Variants in ARHGEF28 observed in about 807,000 individuals in gnomAD.
The protein encoded by ARHGEF28 is 190 kDa guanine nucleotide exchange factor.
A neutral mutation model predicts 206.6 loss-of-function variants in ARHGEF28; 152 were observed. The observed-to-expected ratio is 0.74, with a 90% confidence interval of 0.64 to 0.84. The LOEUF is 0.84. Among genes scored for constraint, ARHGEF28 ranks in the 40% least tolerant of loss-of-function variants. ARHGEF28 has a pLI of 0.00. For synonymous variants in ARHGEF28, 763 were observed against 776.4 expected, an observed-to-expected ratio of 0.98 and a Z score of 0.29; for missense variants, 2,028 against 2,073.2, an observed-to-expected ratio of 0.98 and a Z score of 0.42.
At chr5:73,701,971 G>T (rs2112288018) in intron 2 of ARHGEF28, among the ~76,000 whole-genome samples, 1 of 152,244 alleles carries the variant, frequency 6.6e-6, no homozygotes, top group South Asian at 2.1e-4. Context: ...TTTTTGTCTG[G>T]ACATAATTTT....
At position 73,774,717 on chromosome 5, in the gene ARHGEF28, A is replaced by G. The variant is rs896643741; in HGVS notation, c.659+679A>G. On this transcript the variant is annotated intron_variant, in intron 5 of 35. Transcript: ENST00000513042. ...TATTGTTGGTTACTTAGAAAGGTTC[A>G]GGTCAGCCATTATTCTTAGCTTATG... is the stretch of plus-strand genomic sequence containing the variant. Among the ~76,000 whole-genome samples the G allele has an allele frequency of 1.2e-4, 18 of 152,336 alleles. 1 individual carries two copies. In the Middle Eastern group the frequency reaches 0.02, roughly 173 times the overall value.
intron 2 of ARHGEF28, among the ~76,000 whole-genome samples, chr5:73,705,452 CTA>C (rs1748874883): frequency 6.6e-6 from 1 of 152,182 alleles, no homozygotes; most frequent in Non-Finnish European, 1.5e-5. Flanking sequence ...TCTTTTTAAA[CTA>C]TGTGACATTT....
At chr5:73,699,513 T>G (rs1748461526) in intron 2 of ARHGEF28, among the ~76,000 whole-genome samples, 1 of 152,170 alleles carries the variant, frequency 6.6e-6, no homozygotes, top group Non-Finnish European at 1.5e-5. Flanking sequence ...TTTATAAAGT[T>G]GCCAAAGACT....
chr5:73,703,418 G>A (rs556346879), intron 2 of ARHGEF28, among the ~76,000 whole-genome samples: 24 of 152,186 alleles, frequency 1.6e-4, no homozygotes, highest in Non-Finnish European at 2.8e-4. Flanking sequence ...GGAACAGGAC[G>A]GCACTCAGGT....
intron 2 of ARHGEF28, among the ~76,000 whole-genome samples, chr5:73,725,312 C>T (rs796191301): frequency 2.1e-4 from 32 of 152,292 alleles, no homozygotes; most frequent in African/African-American, 7.5e-4. Flanking sequence ...CACACCTTCT[C>T]ATATTTGCGT....
At chr5:73,862,522 A>G (rs16870985) in intron 16 of ARHGEF28, among the ~76,000 whole-genome samples, 2 of 151,990 alleles carry the variant, frequency 1.3e-5, no homozygotes, top group Admixed American at 6.6e-5. Context: ...CTTGATGTCT[A>G]GTTTAGCTAT....
chr5:73,699,533 C>T (rs1168896323), intron 2 of ARHGEF28, among the ~76,000 whole-genome samples: 2 of 152,086 alleles, frequency 1.3e-5, no homozygotes, highest in African/African-American at 4.8e-5. Flanking sequence ...TTTTGTGCCA[C>T]CTTGGAATTA....
intron 9 of ARHGEF28, among the ~76,000 whole-genome samples, chr5:73,817,913 G>A (rs1452817248): frequency 6.6e-6 from 1 of 152,160 alleles, no homozygotes; most frequent in East Asian, 1.9e-4. Flanking sequence ...TTTACTAGGA[G>A]GAGAAGTGAC....
chr5:73,727,854 A>G lies in ARHGEF28; in HGVS notation c.34-21983A>G, dbSNP rs191128580. 8.5e-5 allele frequency among the ~76,000 whole-genome samples: 13 copies of G among 152,304 alleles called. No individual in the cohort carries two copies. The East Asian group carries it at 1.2e-3, about 14-fold the overall frequency. On this transcript the variant is annotated intron_variant, in intron 2 of 35. Coordinates refer to ENST00000513042, the MANE Select transcript of ARHGEF28 (RefSeq NM_001177693.2). ...GGCCAATGCAGAGGACCATGGGGTC[A>G]TCACCTTCCCTGTTCTGCCTACTGT...
At chr5:73,846,946 ATTTTGTCAAC>A (rs1758403122) in intron 12 of ARHGEF28, among the ~76,000 whole-genome samples, 1 of 152,164 alleles carries the variant, frequency 6.6e-6, no homozygotes, top group African/African-American at 2.4e-5. Context: ...AATATCACAG[ATTTTGTCAAC>A]TTTTCCATAG....
intron 35 of ARHGEF28, among the ~76,000 whole-genome samples, chr5:73,924,415 T>TATC (rs1763690256): frequency 6.6e-6 from 1 of 152,230 alleles, no homozygotes; most frequent in Non-Finnish European, 1.5e-5. Flanking sequence ...TTTCTGATAG[T>TATC]ATCTACTTTG....
chr5:73,872,888 A>C, intron 21 of ARHGEF28, 111 bp from the exon 22 acceptor site: 2 of 1,240,122 alleles, frequency 1.6e-6, no homozygotes, highest in Middle Eastern at 2.8e-4. Flanking sequence ...ATATTCCTAA[A>C]CATTTCTTTT....
chr5:73,845,901 T>C (rs1424891010), intron 11 of ARHGEF28, among the ~76,000 whole-genome samples: 2 of 148,566 alleles, frequency 1.3e-5, no homozygotes, highest in Non-Finnish European at 1.5e-5. Context: ...GGTGGGAGCA[T>C]TGTTTGAGCC....
At chr5:73,802,047 T>G (rs1281493905) in intron 9 of ARHGEF28, among the ~76,000 whole-genome samples, 1 of 152,224 alleles carries the variant, frequency 6.6e-6, no homozygotes, top group Non-Finnish European at 1.5e-5. Context: ...AGTTCTACTT[T>G]TATCTCAACT....
intron 35 of ARHGEF28, among the ~76,000 whole-genome samples, chr5:73,912,705 G>C (rs972650387): frequency 2.6e-5 from 4 of 152,112 alleles, no homozygotes; most frequent in Non-Finnish European, 4.4e-5. Flanking sequence ...AAATATGATG[G>C]AATCGTTCAG....
chr5:73,696,058 C>T (rs865924063), intron 2 of ARHGEF28, among the ~76,000 whole-genome samples: 5 of 152,122 alleles, frequency 3.3e-5, no homozygotes, highest in Admixed American at 2.0e-4. Flanking sequence ...CTCTCCTGAA[C>T]GCAGATTGTT....
chr5:73,938,013 A>G (rs1324673838), intron 35 of ARHGEF28, among the ~76,000 whole-genome samples: 7 of 152,218 alleles, frequency 4.6e-5, no homozygotes, highest in African/African-American at 9.7e-5. Context: ...TCCAGGTGAC[A>G]TACAACCACA....
At chr5:73,924,498 A>G (rs1285251548) in intron 35 of ARHGEF28, among the ~76,000 whole-genome samples, 1 of 152,190 alleles carries the variant, frequency 6.6e-6, no homozygotes, top group Non-Finnish European at 1.5e-5. Flanking sequence ...AATAAACACT[A>G]CTGTTATCAC....
intron 4 of ARHGEF28, among the ~76,000 whole-genome samples, chr5:73,757,583 G>A (rs1752385291): frequency 6.6e-6 from 1 of 152,192 alleles, no homozygotes; most frequent in African/African-American, 2.4e-5. Context: ...CAGAGTCTGA[G>A]TAGAGCATGG....
Sources: gnomAD v4.1 joint callset for allele counts (sites outside exome capture counted in the v4.1 genomes callset) on GRCh38, gnomAD v4.1.1 for gene constraint, MANE v1.5 for transcripts, NCBI Gene and HGNC (gene_info 2026-07-23, HGNC 2026-07-21) for gene names.